DYM: variants seen among roughly 807,000 people sequenced by gnomAD.
DYM encodes dyggve-Melchior-Clausen syndrome protein.
In DYM, 78 loss-of-function variants were observed where a neutral mutation model predicts 93.1. The observed-to-expected ratio is 0.84, with a 90% CI of 0.70 to 1.01. The LOEUF (loss-of-function observed/expected upper bound fraction) is 1.01, where lower values mean the gene tolerates loss of function less well. Ranked by LOEUF, DYM falls within the 50% of genes least tolerant of loss-of-function variation. The pLI is 0.00. For synonymous variants in DYM, 321 were observed against 319.7 expected, an observed-to-expected ratio of 1.00 and a Z score of -0.04; for missense variants, 789 against 845.0, an observed-to-expected ratio of 0.93 and a Z score of 0.82.
intron 1 of DYM, among the ~76,000 whole-genome samples, chr18:49,442,923 T>A (rs927504173): frequency 6.6e-6 from 1 of 151,466 alleles, no homozygotes; most frequent in Non-Finnish European, 1.5e-5. Flanking sequence ...AGTGGAGTAA[T>A]CTCAGCTCAC....
chr18:49,292,336 G>GCAGGCAGGCAGA (rs1568187404), intron 8 of DYM, among the ~76,000 whole-genome samples: 1 of 101,284 alleles, frequency 9.9e-6, no homozygotes, highest in Admixed American at 1.0e-4. Flanking sequence ...AGGCAGGCAG[G>GCAGGCAGGCAGA]CAGACAGACA....
chr18:49,266,378 G>A (rs2094570909), intron 11 of DYM, among the ~76,000 whole-genome samples: 1 of 152,166 alleles, frequency 6.6e-6, no homozygotes. Context: ...CACTTTGGGA[G>A]GCTGAGATAG....
At chr18:49,080,824 CG>C (rs2145174256) in intron 17 of DYM, among the ~76,000 whole-genome samples, 1 of 143,246 alleles carries the variant, frequency 7.0e-6, no homozygotes, top group Admixed American at 6.9e-5. Flanking sequence ...ACTTCTCAGA[CG>C]GGGCGGCTGG....
rs1253500225 is a variant in DYM at position 49,258,913 on chromosome 18, C to T, written c.1252-420G>A. 2.8e-5 allele frequency among the ~76,000 whole-genome samples: 4 copies of T among 142,998 alleles called. No homozygotes were observed. The East Asian group carries it at 6.1e-4, about 22-fold the overall frequency. 93.8% of individuals were successfully genotyped at this position (142,998 alleles called of 152,430 possible). On this transcript the variant is annotated intron_variant, in intron 11 of 17. Coordinates refer to ENST00000675505, the MANE Select transcript of DYM (RefSeq NM_001353214.3). ...AGGCAGGCAGGCCGGCAGACAGGTG[C>T]GAATACTGGGCAGCATAGCAGCCAA...
At chr18:49,442,529 C>A (rs1228164164) in intron 1 of DYM, among the ~76,000 whole-genome samples, 3 of 151,650 alleles carry the variant, frequency 2.0e-5, no homozygotes, top group Admixed American at 6.6e-5. Context: ...CCAGCCTGGG[C>A]AACAGAGGGA....
chr18:49,420,653 G>A (rs2073575818), intron 2 of DYM, among the ~76,000 whole-genome samples: 1 of 152,100 alleles, frequency 6.6e-6, no homozygotes, highest in Middle Eastern at 3.2e-3. Context: ...ATCTCACTGG[G>A]GCTTGTCAGA....
chr18:49,108,398 G>A (rs761972783), intron 16 of DYM, among the ~76,000 whole-genome samples: 20 of 152,320 alleles, frequency 1.3e-4, no homozygotes, highest in Non-Finnish European at 2.8e-4. Context: ...CGCGCAGTGC[G>A]CTGCACCTAC....
At chr18:49,254,772 T>C (rs572611524) in intron 13 of DYM, among the ~76,000 whole-genome samples, 1 of 152,370 alleles carries the variant, frequency 6.6e-6, no homozygotes, top group East Asian at 1.9e-4. Context: ...GAAAAGTTAA[T>C]TGTGTAATGA....
intron 11 of DYM, among the ~76,000 whole-genome samples, chr18:49,269,633 G>A (rs1236392457): frequency 1.3e-5 from 2 of 152,164 alleles, no homozygotes; most frequent in Non-Finnish European, 2.9e-5. Context: ...GTCAATGCCA[G>A]ACAGCATATA....
At chr18:49,449,172 T>C (rs2082331493) in intron 1 of DYM, among the ~76,000 whole-genome samples, 1 of 152,214 alleles carries the variant, frequency 6.6e-6, no homozygotes, top group Non-Finnish European at 1.5e-5. Context: ...TAAAGGTGAC[T>C]GAGGCCAATT....
At chr18:49,198,460 G>A (rs1431205474) in intron 14 of DYM, among the ~76,000 whole-genome samples, 2 of 152,120 alleles carry the variant, frequency 1.3e-5, no homozygotes, top group Non-Finnish European at 2.9e-5. Flanking sequence ...CAGAATGGGA[G>A]AAAATTTTTG....
intron 16 of DYM, among the ~76,000 whole-genome samples, chr18:49,105,727 T>C (rs1054038226): frequency 6.6e-6 from 1 of 152,230 alleles, no homozygotes; most frequent in Admixed American, 6.5e-5. Flanking sequence ...TTTGAGTGAG[T>C]TTCTTAATCC....
At chr18:49,139,324 G>C (rs1052521842) in intron 15 of DYM, among the ~76,000 whole-genome samples, 1 of 151,888 alleles carries the variant, frequency 6.6e-6, no homozygotes, top group South Asian at 2.1e-4. Context: ...TCCAACATTT[G>C]CTTTCTTATT....
intron 14 of DYM, among the ~76,000 whole-genome samples, chr18:49,200,833 A>C (rs1285081972): frequency 6.6e-6 from 1 of 152,180 alleles, no homozygotes; most frequent in Non-Finnish European, 1.5e-5. Context: ...TTAACATATT[A>C]ATTGCTTCAC....
chr18:49,104,340 C>T (rs1341832979), intron 16 of DYM, among the ~76,000 whole-genome samples: 1 of 152,170 alleles, frequency 6.6e-6, no homozygotes, highest in African/African-American at 2.4e-5. Flanking sequence ...TCTAGATATA[C>T]AATCATGTCA....
intron 17 of DYM, 198 bp downstream of exon 17, chr18:49,097,204 C>G (rs1265053104): frequency 3.2e-6 from 2 of 618,706 alleles, no homozygotes; most frequent in African/African-American, 1.8e-5. Context: ...GCCATGGCTA[C>G]TTGTAGGATA....
chr18:49,303,864 G>C (rs185496986), intron 8 of DYM, among the ~76,000 whole-genome samples: 4 of 152,086 alleles, frequency 2.6e-5, no homozygotes, highest in Non-Finnish European at 4.4e-5. Flanking sequence ...TATACATGGG[G>C]GGAAAATTAC....
At chr18:49,098,440 C>T (rs2079785581) in intron 16 of DYM, among the ~76,000 whole-genome samples, 1 of 152,130 alleles carries the variant, frequency 6.6e-6, no homozygotes, top group African/African-American at 2.4e-5. Flanking sequence ...TTTGTCTTAT[C>T]CATTCTAGTG....
intron 10 of DYM, among the ~76,000 whole-genome samples, chr18:49,276,479 T>C (rs1316802361): frequency 6.6e-6 from 1 of 152,060 alleles, no homozygotes; most frequent in Non-Finnish European, 1.5e-5. Context: ...GAAAGAACTA[T>C]CTAAACTGAG....
Sources: allele counts gnomAD v4.1 joint callset (sites outside exome capture counted in the v4.1 genomes callset), GRCh38; gene constraint gnomAD v4.1.1; transcripts MANE v1.5; gene names NCBI Gene and HGNC (gene_info 2026-07-23, HGNC 2026-07-21).